Variants in CACNA1B observed in about 807,000 individuals in gnomAD.
The protein encoded by CACNA1B is voltage-dependent N-type calcium channel subunit alpha-1B.
In CACNA1B, 70 loss-of-function variants were observed where a neutral mutation model predicts 247.2. That is an observed-to-expected ratio of 0.28 (90% CI 0.23 to 0.35). CACNA1B has a LOEUF of 0.35. CACNA1B is among the 10% of genes least tolerant of loss of function. The pLI is 1.00. For synonymous variants in CACNA1B, 1,231 were observed against 1,294.4 expected (o/e 0.95, Z 1.05); for missense variants, 2,367 against 3,197.4 (o/e 0.74, Z 6.26).
chr9:138,008,359 T>A (rs1389544011), intron 16 of CACNA1B, among the ~76,000 whole-genome samples: 1 of 152,196 alleles, frequency 6.6e-6, no homozygotes, highest in Non-Finnish European at 1.5e-5. Flanking sequence ...CCACTCAGCG[T>A]TAGTCCTGCT....
chr9:138,049,135 A>G, intron 23 of CACNA1B, 74 bp from the exon 24 acceptor site: 1 of 996,688 alleles, frequency 1.0e-6, no homozygotes, highest in Non-Finnish European at 1.6e-6. Context: ...GATTACAGGC[A>G]TGAGCCTCTG....
At chr9:137,953,653 C>G (rs1395597572) in intron 7 of CACNA1B, among the ~76,000 whole-genome samples, 1 of 152,150 alleles carries the variant, frequency 6.6e-6, no homozygotes, top group East Asian at 1.9e-4. Context: ...AGGGACATCT[C>G]AGCTGAGACC....
intron 15 of CACNA1B, among the ~76,000 whole-genome samples, chr9:137,987,941 G>C (rs1958386132): frequency 6.6e-6 from 1 of 152,212 alleles, no homozygotes; most frequent in Non-Finnish European, 1.5e-5. Context: ...GGGCCTTGCT[G>C]TTGTCATCCC....
intron 23 of CACNA1B, 99 bp from the exon 24 acceptor site, chr9:138,049,110 C>T: frequency 1.2e-6 from 1 of 815,210 alleles, no homozygotes; most frequent in South Asian, 1.4e-5. Context: ...CTGCCTCAGC[C>T]TCCCCAAGTG....
At chr9:137,997,443 G>T (rs2133396937) in intron 15 of CACNA1B, among the ~76,000 whole-genome samples, 1 of 152,274 alleles carries the variant, frequency 6.6e-6, no homozygotes, top group Non-Finnish European at 1.5e-5. Flanking sequence ...TATTTACATA[G>T]AAAAACATGA....
Position 137,955,770 on chromosome 9 carries a change from C to T in CACNA1B, c.1143C>T (p.Ile381=), listed in dbSNP as rs199685406. The T allele has an allele frequency of 6.8e-6, 11 of 1,612,168 alleles. No homozygotes were observed. The highest frequency in any genetic ancestry group is 1.7e-5 in the Admixed American group (1 of 59,804). The change falls in exon 8 of 47, where the codon ATC becomes ATT. Residue 381 remains isoleucine (I), a synonymous_variant. Transcript: ENST00000371372. The surrounding 1 kb of genome is among the most constrained non-coding windows in gnomAD (Gnocchi z 6.9). The part of the protein sequence containing the change: ...AFLKLRRQQQ[I]ERELNGYLEW... Reference sequence around the variant, plus strand: ...TGAAGCTGCGCCGGCAGCAGCAGATCGAGCGAGAGCTCAACGGGTACCTGG... The same window carrying T: ...TGAAGCTGCGCCGGCAGCAGCAGATTGAGCGAGAGCTCAACGGGTACCTGG...
Position 137,958,786 on chromosome 9 carries a change from A to G in CACNA1B, c.1333+1099A>G, listed in dbSNP as rs1463328251. 3.3e-5 allele frequency among the ~76,000 whole-genome samples: 5 copies of G among 152,272 alleles called. No individual in the cohort carries two copies. In the East Asian group the frequency reaches 5.8e-4, roughly 18 times the overall value. On this transcript the variant is annotated intron_variant, in intron 10 of 46. Transcript: ENST00000371372. ...CCAACCTTCGCCCTCATCCAGTGCT[A>G]TGTGACGGCTCCTTTTGATTTTTCC... is the stretch of plus-strand genomic sequence containing the variant.
At chr9:137,977,452 C>A (rs1958233448) in intron 12 of CACNA1B, among the ~76,000 whole-genome samples, 1 of 145,760 alleles carries the variant, frequency 6.9e-6, no homozygotes, top group Non-Finnish European at 1.5e-5. Flanking sequence ...GAGGGCAGGG[C>A]AGGGCAGTCT....
At position 138,006,817 on chromosome 9, in the gene CACNA1B, G is replaced by A. The variant is rs202184196; in HGVS notation, c.2025G>A (p.Ser675=). The A allele has an allele frequency of 2.4e-4, 390 of 1,611,796 alleles. No homozygotes were observed. The highest frequency in any genetic ancestry group is 3.1e-4 in the Non-Finnish European group (369 of 1,177,934). The change falls in exon 16 of 47, where the codon TCG becomes TCA. Residue 675 remains serine (S), a synonymous_variant. Transcript: ENST00000371372. ...WNAVMYHGIE[S]QGGVSKGMFS... is the part of the protein sequence containing the mutation. ...CAGTGATGTATCACGGGATCGAATCGCAAGGCGGCGTCAGCAAAGGCATGT... is the reference window on the plus strand; with the variant it reads ...CAGTGATGTATCACGGGATCGAATCACAAGGCGGCGTCAGCAAAGGCATGT...
Position 138,058,620 on chromosome 9 carries a change from C to T in CACNA1B, c.4360C>T (p.Pro1454Ser). Residue 1454 changes from proline to serine, a missense_variant, in exon 29 of 47, where the codon CCC (proline) becomes TCC (serine). Pro to Ser is a moderately conservative substitution (Grantham distance 74). This residue lies in a region of CACNA1B where 436 missense variants were observed against 679.5 expected (regional missense o/e 0.64). Coordinates refer to ENST00000371372, the MANE Select transcript of CACNA1B (RefSeq NM_000718.4). This position sits in a 1 kb window ranked among gnomAD's most constrained non-coding sequence, Gnocchi z 4.7. ...ISAKPLTRYM[P>S]QNRQSFQYKT... The stretch of plus-strand genomic sequence containing the variant: ...CGCCAAACCCCTGACACGGTACATG[C>T]CCCAAAACCGGCAGTCGTTCCAGTA... The T allele has an allele frequency of 6.2e-7, 1 of 1,613,904 alleles. No homozygotes were observed. The highest frequency in any genetic ancestry group is 8.5e-7 in the Non-Finnish European group (1 of 1,179,824).
intron 17 of CACNA1B, 56 bp from the exon 18 acceptor site, chr9:138,013,073 G>A: frequency 7.9e-7 from 1 of 1,269,502 alleles, no homozygotes; most frequent in Non-Finnish European, 1.1e-6. Flanking sequence ...TATAGCCAGT[G>A]TTAGAGTGGC....
intron 39 of CACNA1B, among the ~76,000 whole-genome samples, chr9:138,107,214 C>CTTAT (rs1394379463): frequency 0.01 from 1,361 of 134,598 alleles, 26 homozygotes; most frequent in African/African-American, 0.035. Flanking sequence ...TAGAAATCAT[C>CTTAT]TTATTTTATT....
chr9:138,083,838 C>CT (rs1960607383), intron 36 of CACNA1B, among the ~76,000 whole-genome samples: 1 of 150,546 alleles, frequency 6.6e-6, no homozygotes, highest in South Asian at 2.1e-4. Flanking sequence ...TTCTAGGGTA[C>CT]TTGCTGCTGC....
chr9:138,047,637 G>A (rs1476801470), intron 23 of CACNA1B, among the ~76,000 whole-genome samples, 179 bp downstream of exon 23: 4 of 152,224 alleles, frequency 2.6e-5, no homozygotes, highest in Admixed American at 1.3e-4. Flanking sequence ...AGGCTTTGTC[G>A]TTCACTGAGA....
intron 34 of CACNA1B, among the ~76,000 whole-genome samples, chr9:138,074,583 A>G (rs1295175182): frequency 6.6e-6 from 1 of 152,196 alleles, no homozygotes; most frequent in East Asian, 1.9e-4. Context: ...GCGGAGGAGG[A>G]CATGGAGGCA....
chr9:138,101,678 A>G (rs1290123199), intron 37 of CACNA1B, among the ~76,000 whole-genome samples: 2 of 152,222 alleles, frequency 1.3e-5, no homozygotes, highest in Non-Finnish European at 2.9e-5. Flanking sequence ...TGGGGGCCAA[A>G]GACAAGCCGT....
At chr9:138,088,669 C>T (rs1960779825) in intron 36 of CACNA1B, among the ~76,000 whole-genome samples, 1 of 151,792 alleles carries the variant, frequency 6.6e-6, no homozygotes, top group Non-Finnish European at 1.5e-5. Context: ...AAAAATCTCC[C>T]ATCGGCCGGG....
chr9:138,034,360 A>C (rs575799074), intron 20 of CACNA1B, among the ~76,000 whole-genome samples: 80 of 150,824 alleles, frequency 5.3e-4, no homozygotes, highest in Non-Finnish European at 9.6e-4. Context: ...CTCTCAGACC[A>C]CCCTAGCAGG....
At chr9:138,026,433 C>G (rs1247900705) in intron 20 of CACNA1B, among the ~76,000 whole-genome samples, 2 of 152,198 alleles carry the variant, frequency 1.3e-5, no homozygotes, top group East Asian at 3.9e-4. Context: ...GCTCCCTATG[C>G]TCTTCCCCAC....
Sources: allele counts gnomAD v4.1 joint callset (sites outside exome capture counted in the v4.1 genomes callset), GRCh38; gene constraint gnomAD v4.1.1; regional missense constraint gnomAD v4.1.1; non-coding constraint Gnocchi (gnomAD v3.1); transcripts MANE v1.5; gene names NCBI Gene and HGNC (gene_info 2026-07-23, HGNC 2026-07-21).